Variants in ST3GAL6 observed in about 807,000 individuals in gnomAD.
ST3GAL6 encodes ST3 beta-galactoside alpha-2,3-sialyltransferase 6, also known as type 2 lactosamine alpha-2,3-sialyltransferase.
ST3GAL6 carries 31 observed loss-of-function variants against 40.5 expected under a neutral mutation model. That is an observed-to-expected ratio of 0.77 (90% confidence interval 0.58 to 1.03). ST3GAL6 has a LOEUF of 1.03. Ranked by LOEUF, ST3GAL6 falls within the 50% of genes least tolerant of loss-of-function variation. The pLI is 0.00. For missense variants in ST3GAL6, 357 were observed against 393.2 expected (o/e 0.91, Z 0.78); for synonymous variants, 129 against 136.9 (o/e 0.94, Z 0.40).
chr3:98,733,168 C>A (rs1475966226), intron 1 of ST3GAL6, among the ~76,000 whole-genome samples: 1 of 152,194 alleles, frequency 6.6e-6, no homozygotes, highest in Non-Finnish European at 1.5e-5. Context: ...ATCCTGCCAG[C>A]ACCAAGGAGG....
rs1186450587 is a variant in ST3GAL6 at position 98,795,572 on chromosome 3, G to GAT, written c.*1815_*1816dup. 6.6e-5 allele frequency: 10 copies of GAT among 152,168 alleles called. No individual in the cohort carries two copies. Among genetic ancestry groups the GAT allele is most frequent in the African/African-American group, 2.4e-4 (10 of 41,416 alleles). The allele number at this position is 152,168 out of a possible 1,614,324, so 9.4% of individuals were successfully genotyped here. On this transcript the variant is annotated 3_prime_UTR_variant, in exon 10 of 10. Transcript: ENST00000483910. ...GCAGTGTGGCTGCTGAAGTTCAATT[G>GAT]ATATAAAGTAAATCAGGCTTCAAAA...
chr3:98,754,582 A>G (rs1937274834), intron 1 of ST3GAL6, among the ~76,000 whole-genome samples: 1 of 152,236 alleles, frequency 6.6e-6, no homozygotes, highest in Admixed American at 6.5e-5. Context: ...GATTGACTGT[A>G]ATTTTGAAAG....
chr3:98,737,243 G>A (rs898669712), intron 1 of ST3GAL6, among the ~76,000 whole-genome samples: 4 of 152,006 alleles, frequency 2.6e-5, no homozygotes, highest in Non-Finnish European at 5.9e-5. Context: ...TAGAGATGGG[G>A]TTTCGCCATG....
chr3:98,756,520 C>T, intron 1 of ST3GAL6: 2 of 1,269,830 alleles, frequency 1.6e-6, no homozygotes, highest in South Asian at 2.5e-5. Flanking sequence ...GTCTTTAGGA[C>T]ACAGATTCTT....
At chr3:98,780,803 C>T (rs978991716) in intron 5 of ST3GAL6, among the ~76,000 whole-genome samples, 17 of 152,086 alleles carry the variant, frequency 1.1e-4, no homozygotes, top group African/African-American at 4.1e-4. Flanking sequence ...CTTTGGGCCA[C>T]GCATTATCTA....
At chr3:98,738,943 C>G (rs181634980) in intron 1 of ST3GAL6, among the ~76,000 whole-genome samples, 1 of 152,146 alleles carries the variant, frequency 6.6e-6, no homozygotes, top group Non-Finnish European at 1.5e-5. Context: ...ACCAACCACA[C>G]AAATGGATAT....
intron 1 of ST3GAL6, chr3:98,733,075 T>C: frequency 7.2e-7 from 1 of 1,382,950 alleles, no homozygotes; most frequent in Non-Finnish European, 9.3e-7. Flanking sequence ...CTGGGGTCTG[T>C]GCTGCCCCGA....
At chr3:98,790,988 AT>A (rs913192122) in intron 8 of ST3GAL6, among the ~76,000 whole-genome samples, 12 of 151,474 alleles carry the variant, frequency 7.9e-5, no homozygotes, top group Admixed American at 6.6e-4. Context: ...TGCTTCTTCG[AT>A]TTTTTTTTCT....
At chr3:98,791,731 C>T in intron 8 of ST3GAL6, 110 bp from the exon 9 acceptor site, 1 of 987,164 alleles carries the variant, frequency 1.0e-6, no homozygotes, top group South Asian at 1.6e-5. Flanking sequence ...TATTTCTCTC[C>T]TTATTAAATG....
intron 1 of ST3GAL6, among the ~76,000 whole-genome samples, chr3:98,746,278 GATA>G (rs1335850108): frequency 1.3e-5 from 2 of 152,178 alleles, no homozygotes; most frequent in African/African-American, 4.8e-5. Flanking sequence ...ATCTAGAACT[GATA>G]ACTCCTTAGC....
chr3:98,792,674 T>C (rs1941307487), intron 9 of ST3GAL6, among the ~76,000 whole-genome samples: 1 of 6,326 alleles, frequency 1.6e-4, no homozygotes, highest in Non-Finnish European at 6.3e-4. Flanking sequence ...GACCGGCTAA[T>C]TTTTTTTTTT....
rs369996406 is a variant in ST3GAL6 at position 98,766,405 on chromosome 3, C to CTTTTTTTTTTTT, written c.-11-2004_-11-1993dup. 9.6e-5 allele frequency among the ~76,000 whole-genome samples: 10 copies of CTTTTTTTTTTTT among 104,110 alleles called. 2 individuals carry two copies. The highest frequency in any genetic ancestry group is 2.9e-4 in the African/African-American group (7 of 24,424). 68.3% of individuals were successfully genotyped at this position (104,110 alleles called of 152,430 possible). On this transcript the variant is annotated intron_variant, in intron 1 of 9. Coordinates refer to ENST00000483910, the MANE Select transcript of ST3GAL6 (RefSeq NM_001323368.2). Reference sequence around the variant, plus strand: ...GTTGGATCTTTGCATAAATGTCATTCTTTTTTTTTTTTTTTTTTTTTTTTT... The same window carrying CTTTTTTTTTTTT: ...GTTGGATCTTTGCATAAATGTCATTCTTTTTTTTTTTTTTTTTTTTTTTTTTTTTTTTTTTTT...
In ST3GAL6 at chr3:98,782,630, C is replaced by CTT. The variant is rs1470077608; in HGVS notation, c.336-2314_336-2313insTT. On this transcript the variant is annotated intron_variant, in intron 5 of 9. Transcript: ENST00000483910. ...AAACCAGTACAGTAACCCAGCTGGC[C>CTT]TCTCTTCTGAAAACATCTCCAACTT... 4.7e-5 allele frequency: 15 copies of CTT among 319,578 alleles called. No individual in the cohort carries two copies. The African/African-American group carries it at 9.3e-4, about 20-fold the overall frequency. The allele number at this position is 319,578 out of a possible 1,614,324, so 19.8% of individuals were successfully genotyped here.
At chr3:98,744,149 C>T (rs1936360186) in intron 1 of ST3GAL6, among the ~76,000 whole-genome samples, 1 of 152,104 alleles carries the variant, frequency 6.6e-6, no homozygotes, top group African/African-American at 2.4e-5. Context: ...GGTGGCAGAG[C>T]CAAAGCTAGG....
chr3:98,761,104 G>A (rs904062914), upstream of ST3GAL6, among the ~76,000 whole-genome samples: 2 of 152,144 alleles, frequency 1.3e-5, no homozygotes, highest in African/African-American at 2.4e-5. Flanking sequence ...AACTTTTGAG[G>A]TTGATGACAA....
At chr3:98,734,496 C>T (rs74346735) in intron 1 of ST3GAL6, among the ~76,000 whole-genome samples, 11,710 of 152,154 alleles carry the variant, frequency 0.077, 596 homozygotes, top group Non-Finnish European at 0.11. Context: ...GTCATGTAGA[C>T]TGGGAGGGGA....
At chr3:98,786,100 G>C (rs1940676595) in intron 6 of ST3GAL6, among the ~76,000 whole-genome samples, 1 of 152,150 alleles carries the variant, frequency 6.6e-6, no homozygotes, top group Admixed American at 6.5e-5. Context: ...TTAGATTTGA[G>C]ATGCTTGTTA....
intron 1 of ST3GAL6, chr3:98,733,137 G>A (rs1416836995): frequency 7.2e-5 from 91 of 1,270,962 alleles, no homozygotes; most frequent in Non-Finnish European, 8.8e-5. Context: ...GGGACACGGA[G>A]CGCTGTTTGC....
chr3:98,766,545 T>C (rs1350943765), intron 1 of ST3GAL6, among the ~76,000 whole-genome samples: 1 of 151,324 alleles, frequency 6.6e-6, no homozygotes, highest in African/African-American at 2.4e-5. Flanking sequence ...CTTAGCCTCC[T>C]GAATGGGTGG....
Sources: gnomAD v4.1 joint callset for allele counts (sites outside exome capture counted in the v4.1 genomes callset) on GRCh38, gnomAD v4.1.1 for gene constraint, MANE v1.5 for transcripts, NCBI Gene and HGNC (gene_info 2026-07-23, HGNC 2026-07-21) for gene names.